The following CHST11 variants were observed in gnomAD, a reference collection of about 807,000 sequenced individuals.
CHST11 encodes the protein C4S-1.
Under a neutral mutation model 30.4 loss-of-function variants are expected in CHST11, and 9 were observed. That is an observed-to-expected ratio of 0.30 (90% CI 0.18 to 0.52). CHST11 has a LOEUF of 0.52. Among genes scored for constraint, CHST11 ranks in the 20% least tolerant of loss-of-function variants. CHST11 has a pLI of 0.97. For synonymous variants in CHST11, 152 were observed against 187.8 expected (o/e 0.81, Z 1.56); for missense variants, 348 against 460.6 (o/e 0.76, Z 2.24).
At chr12:104,705,839 G>A (rs1357018062) in intron 2 of CHST11, among the ~76,000 whole-genome samples, 1 of 151,752 alleles carries the variant, frequency 6.6e-6, no homozygotes, top group African/African-American at 2.4e-5. Context: ...AGAATTGCCT[G>A]AGCCTGGGAG....
intron 1 of CHST11, among the ~76,000 whole-genome samples, chr12:104,524,649 CCCAT>C (rs954177674): frequency 2.9e-4 from 44 of 151,794 alleles, no homozygotes; most frequent in Admixed American, 5.3e-4. Context: ...CATTCATCCA[CCCAT>C]CCATCCATCC....
intron 2 of CHST11, among the ~76,000 whole-genome samples, chr12:104,650,208 C>T (rs543463494): frequency 1.3e-5 from 2 of 152,292 alleles, no homozygotes; most frequent in African/African-American, 2.4e-5. Context: ...CCTTTGGATG[C>T]TTCCTGAAAT....
intron 2 of CHST11, among the ~76,000 whole-genome samples, chr12:104,654,342 T>C (rs2039522228): frequency 6.6e-6 from 1 of 152,098 alleles, no homozygotes; most frequent in East Asian, 1.9e-4. Flanking sequence ...GACAGTTGTA[T>C]AAGAAGGTGT....
intron 1 of CHST11, among the ~76,000 whole-genome samples, chr12:104,533,769 C>T (rs1462853944): frequency 6.6e-6 from 1 of 152,126 alleles, no homozygotes. Flanking sequence ...TTGCAAGTGC[C>T]AATCAATAAG....
chr12:104,741,721 T>C (rs2040348573), intron 2 of CHST11, among the ~76,000 whole-genome samples: 1 of 152,122 alleles, frequency 6.6e-6, no homozygotes, highest in African/African-American at 2.4e-5. Context: ...ATGACAAATG[T>C]GTTTGGCGTT....
intron 1 of CHST11, among the ~76,000 whole-genome samples, chr12:104,495,291 A>G (rs1288922026): frequency 6.6e-6 from 1 of 152,092 alleles, no homozygotes; most frequent in Non-Finnish European, 1.5e-5. Flanking sequence ...AGGTGTGTAA[A>G]TATCTCTCCG....
chr12:104,623,241 A>T (rs1419819018), intron 2 of CHST11, among the ~76,000 whole-genome samples: 2 of 152,236 alleles, frequency 1.3e-5, no homozygotes, highest in East Asian at 1.9e-4. Flanking sequence ...TGAGCAAGTC[A>T]GGAAGGCTCC....
chr12:104,673,069 AC>A (rs1473797067), intron 2 of CHST11, among the ~76,000 whole-genome samples: 1 of 151,578 alleles, frequency 6.6e-6, no homozygotes, highest in Non-Finnish European at 1.5e-5. Flanking sequence ...CAGTTGCCAA[AC>A]TCCTTGGCTT....
chr12:104,592,767 G>A (rs2038872459), intron 1 of CHST11, among the ~76,000 whole-genome samples: 1 of 152,144 alleles, frequency 6.6e-6, no homozygotes, highest in South Asian at 2.1e-4. Flanking sequence ...GTGCCTGATG[G>A]TGCACTAACC....
At chr12:104,527,083 A>C (rs576251898) in intron 1 of CHST11, among the ~76,000 whole-genome samples, 1 of 152,310 alleles carries the variant, frequency 6.6e-6, no homozygotes, top group South Asian at 2.1e-4. Context: ...GTCTCCCCAC[A>C]AATTCCTAAC....
chr12:104,582,409 A>C (rs1446617814), intron 1 of CHST11, among the ~76,000 whole-genome samples: 1 of 152,152 alleles, frequency 6.6e-6, no homozygotes, highest in Admixed American at 6.5e-5. Flanking sequence ...TTTGTGCTTG[A>C]AGACTTTGAT....
Position 104,607,815 on chromosome 12 carries a change from A to G in CHST11, c.204+5824A>G, listed in dbSNP as rs151177654. Among the ~76,000 whole-genome samples, 620 of 152,156 alleles carry G rather than the reference A, an allele frequency of 4.1e-3. 6 individuals carry two copies. The highest frequency in any genetic ancestry group is 0.014 in the African/African-American group (565 of 41,486). ...TTTCCAATCCATCTGGTTTTTACCT[A>G]TTGGCAGGGTTGGAGGTCACGAGGA... On this transcript the variant is annotated intron_variant, in intron 2 of 2. Coordinates refer to ENST00000303694, the MANE Select transcript of CHST11 (RefSeq NM_018413.6).
chr12:104,733,088 C>T (rs2040270111), intron 2 of CHST11, among the ~76,000 whole-genome samples: 2 of 152,222 alleles, frequency 1.3e-5, no homozygotes, highest in South Asian at 2.1e-4. Flanking sequence ...TGCAAGGTCA[C>T]GCACTGGGAT....
At chr12:104,643,967 G>A (rs2039402201) in intron 2 of CHST11, among the ~76,000 whole-genome samples, 1 of 152,180 alleles carries the variant, frequency 6.6e-6, no homozygotes, top group South Asian at 2.1e-4. Flanking sequence ...TGGAGTTTAG[G>A]GGTGCAGTTA....
chr12:104,519,473 G>GGATGGGT (rs1170308149), intron 1 of CHST11, among the ~76,000 whole-genome samples: 1 of 152,178 alleles, frequency 6.6e-6, no homozygotes, highest in Non-Finnish European at 1.5e-5. Context: ...GGCAGCCACA[G>GGATGGGT]GATGGGTTTT....
chr12:104,651,666 A>G (rs1464120367), intron 2 of CHST11, among the ~76,000 whole-genome samples: 2 of 152,324 alleles, frequency 1.3e-5, no homozygotes, highest in East Asian at 3.9e-4. Context: ...AGGCCATTCT[A>G]GAAGGTTCTA....
chr12:104,750,167 A>G (rs1188653310), intron 2 of CHST11, among the ~76,000 whole-genome samples: 2 of 151,922 alleles, frequency 1.3e-5, no homozygotes, highest in Non-Finnish European at 2.9e-5. Context: ...TTTACCAAGT[A>G]AAGGTCAAAT....
chr12:104,504,338 G>A (rs1286541532), intron 1 of CHST11, among the ~76,000 whole-genome samples: 1 of 152,224 alleles, frequency 6.6e-6, no homozygotes, highest in Non-Finnish European at 1.5e-5. Context: ...TTCTCACCGG[G>A]GTGGACTCAG....
intron 2 of CHST11, among the ~76,000 whole-genome samples, chr12:104,756,535 G>GTGTGTGTGTGTGTGTGTGTA (rs2040476807): frequency 6.7e-6 from 1 of 148,464 alleles, no homozygotes; most frequent in Admixed American, 6.7e-5. Context: ...CATGTGGGGT[G>GTGTGTGTGTGTGTGTGTGTA]TGTGTGTGTG....
Sources: allele counts gnomAD v4.1 joint callset (sites outside exome capture counted in the v4.1 genomes callset), GRCh38; gene constraint gnomAD v4.1.1; transcripts MANE v1.5; gene names NCBI Gene and HGNC (gene_info 2026-07-23, HGNC 2026-07-21).